DCLK1: variants seen among roughly 807,000 people sequenced by gnomAD.
DCLK1 encodes the protein doublecortin like kinase 1, also known as serine/threonine-protein kinase DCLK1.
DCLK1 carries 16 observed loss-of-function variants against 86.2 expected under a neutral mutation model. The observed-to-expected ratio is 0.19, with a 90% CI of 0.13 to 0.28. The LOEUF is 0.28. Ranked by LOEUF, DCLK1 falls within the 10% of genes least tolerant of loss-of-function variation. DCLK1 has a pLI of 1.00. For missense variants in DCLK1, 590 were observed against 940.2 expected, an observed-to-expected ratio of 0.63 and a Z score of 4.87; for synonymous variants, 369 against 370.5, an observed-to-expected ratio of 1.00 and a Z score of 0.05.
intron 14 of DCLK1, among the ~76,000 whole-genome samples, chr13:35,807,978 G>A (rs770125351): frequency 2.0e-5 from 3 of 152,204 alleles, no homozygotes; most frequent in Non-Finnish European, 4.4e-5. Context: ...CTATAGCAAT[G>A]TCACTGGAAT....
At chr13:35,899,722 C>A (rs1874232062) in intron 4 of DCLK1, among the ~76,000 whole-genome samples, 1 of 152,020 alleles carries the variant, frequency 6.6e-6, no homozygotes, top group South Asian at 2.1e-4. Context: ...TGGTCATTGG[C>A]CCATAACTTA....
chr13:35,892,724 T>A (rs1260021277), intron 4 of DCLK1, among the ~76,000 whole-genome samples: 3 of 152,206 alleles, frequency 2.0e-5, no homozygotes, highest in Non-Finnish European at 4.4e-5. Context: ...AAAGGGACAG[T>A]CACCTAACAC....
At chr13:35,939,292 A>G (rs9601689) in intron 4 of DCLK1, among the ~76,000 whole-genome samples, 82,773 of 151,990 alleles carry the variant, frequency 0.54, 25,417 homozygotes, top group Admixed American at 0.68. Flanking sequence ...CTACAAATCA[A>G]TGCAATCGGG....
At chr13:36,100,789 T>C (rs1019323431) in intron 3 of DCLK1, among the ~76,000 whole-genome samples, 1 of 152,144 alleles carries the variant, frequency 6.6e-6, no homozygotes, top group Middle Eastern at 3.2e-3. Context: ...GGCTGTGTTA[T>C]AAGAAAATCA....
chr13:35,953,440 T>C (rs1877812539), intron 3 of DCLK1, among the ~76,000 whole-genome samples: 1 of 152,166 alleles, frequency 6.6e-6, no homozygotes, highest in Non-Finnish European at 1.5e-5. Flanking sequence ...CGGTGTCTAA[T>C]AAACCCCCCT....
At chr13:36,015,004 TTCTCTCTCTCTC>T (rs60179491) in intron 3 of DCLK1, among the ~76,000 whole-genome samples, 1 of 144,162 alleles carries the variant, frequency 6.9e-6, no homozygotes, top group South Asian at 2.2e-4. Context: ...CTCTCTCTCT[TTCTCTCTCTCTC>T]TCTCTCTCTC....
intron 3 of DCLK1, among the ~76,000 whole-genome samples, chr13:35,998,082 CT>C (rs947263332): frequency 2.0e-5 from 3 of 152,078 alleles, no homozygotes; most frequent in Non-Finnish European, 2.9e-5. Context: ...TACTGACCCC[CT>C]TTTGAGTATT....
intron 16 of DCLK1, among the ~76,000 whole-genome samples, chr13:35,775,335 C>G (rs572412825): frequency 6.6e-6 from 1 of 152,194 alleles, no homozygotes; most frequent in African/African-American, 2.4e-5. Context: ...AACCTTCCCA[C>G]GGATTTCACT....
chr13:35,836,654 T>A (rs1392548519), intron 7 of DCLK1, among the ~76,000 whole-genome samples: 4 of 152,236 alleles, frequency 2.6e-5, no homozygotes, highest in Admixed American at 2.6e-4. Context: ...TAAGCACTGA[T>A]GGCCACCCGT....
intron 3 of DCLK1, among the ~76,000 whole-genome samples, chr13:36,106,472 T>C (rs1252211773): frequency 2.0e-5 from 3 of 152,224 alleles, no homozygotes; most frequent in Non-Finnish European, 4.4e-5. Flanking sequence ...AGAATTTTAA[T>C]TTGACATTTT....
At chr13:36,103,199 G>A (rs979328448) in intron 3 of DCLK1, among the ~76,000 whole-genome samples, 11 of 152,050 alleles carry the variant, frequency 7.2e-5, no homozygotes, top group African/African-American at 1.2e-4. Context: ...TCAGGAGTTC[G>A]AGACCAGCCT....
chr13:35,819,988 G>A (rs1356514411), intron 11 of DCLK1, among the ~76,000 whole-genome samples: 1 of 152,160 alleles, frequency 6.6e-6, no homozygotes, highest in Non-Finnish European at 1.5e-5. Context: ...CCAGGCAGTG[G>A]AAGAGTGAAC....
intron 3 of DCLK1, among the ~76,000 whole-genome samples, chr13:36,090,045 A>G (rs967528243): frequency 1.3e-5 from 2 of 152,228 alleles, no homozygotes; most frequent in African/African-American, 4.8e-5. Flanking sequence ...AATTTAATGC[A>G]CTTTGCCTTC....
chr13:36,099,576 T>C (rs1885125163), intron 3 of DCLK1, among the ~76,000 whole-genome samples: 1 of 152,180 alleles, frequency 6.6e-6, no homozygotes, highest in Non-Finnish European at 1.5e-5. Flanking sequence ...AAAACTAAGG[T>C]ATTCCCAATG....
chr13:35,935,719 C>T (rs1422160817), intron 4 of DCLK1, among the ~76,000 whole-genome samples: 1 of 152,116 alleles, frequency 6.6e-6, no homozygotes, highest in African/African-American at 2.4e-5. Context: ...AGATGTATAC[C>T]TCAAAGGGGG....
intron 14 of DCLK1, among the ~76,000 whole-genome samples, chr13:35,807,459 T>C (rs970689947): frequency 2.6e-5 from 4 of 152,240 alleles, no homozygotes; most frequent in Admixed American, 2.6e-4. Context: ...AAGTCTTTCT[T>C]GATGATTTCA....
chr13:36,104,676 A>C (rs940382861), intron 3 of DCLK1, among the ~76,000 whole-genome samples: 1 of 152,130 alleles, frequency 6.6e-6, no homozygotes, highest in African/African-American at 2.4e-5. Flanking sequence ...AATGATACTA[A>C]TAATAATATT....
intron 6 of DCLK1, among the ~76,000 whole-genome samples, chr13:35,852,095 T>C (rs1287687551): frequency 6.6e-6 from 1 of 152,140 alleles, no homozygotes; most frequent in Non-Finnish European, 1.5e-5. Flanking sequence ...AAAATAGAAG[T>C]AGCTACTGTT....
intron 3 of DCLK1, among the ~76,000 whole-genome samples, chr13:35,977,522 C>G (rs955106054): frequency 6.6e-6 from 1 of 152,130 alleles, no homozygotes; most frequent in Non-Finnish European, 1.5e-5. Context: ...TAGGTATTTG[C>G]TAATTAAAGT....
Sources: allele counts gnomAD v4.1 joint callset (sites outside exome capture counted in the v4.1 genomes callset), GRCh38; gene constraint gnomAD v4.1.1; transcripts MANE v1.5; gene names NCBI Gene and HGNC (gene_info 2026-07-23, HGNC 2026-07-21).